Variants in TRIM39 observed in about 807,000 individuals in gnomAD.
The protein encoded by TRIM39 is E3 ubiquitin-protein ligase TRIM39.
TRIM39 carries 5 observed loss-of-function variants against 53.6 expected under a neutral mutation model. The observed-to-expected ratio is 0.09, with a 90% CI of 0.05 to 0.20. TRIM39 has a LOEUF of 0.20. Among genes scored for constraint, TRIM39 ranks in the 10% least tolerant of loss-of-function variants. The pLI, the probability that TRIM39 is intolerant of heterozygous loss-of-function variation, is 1.00. For synonymous variants in TRIM39, 196 were observed against 237.6 expected (o/e 0.82, Z 1.61); for missense variants, 310 against 621.0 (o/e 0.50, Z 5.32).
chr6:30,329,354 G>T, exon 3 of TRIM39: 1 of 1,612,184 alleles, frequency 6.2e-7, no homozygotes, highest in Non-Finnish European at 8.5e-7. Flanking sequence ...TGGGGCCTCT[G>T]CAGCCTCTAC....
chr6:30,342,290 G>A lies in TRIM39; in HGVS notation c.*31G>A, dbSNP rs375720811. 2 of 1,605,160 alleles carry A rather than the reference G, an allele frequency of 1.2e-6. No homozygotes were observed. Among genetic ancestry groups the A allele is most frequent in the African/African-American group, 2.7e-5 (2 of 74,874 alleles). ...TGGGATGTGGGAATGACTGGGGTGA[G>A]GCAGGGTCAAGTGCTACGGGCCTCC... On this transcript the variant is annotated 3_prime_UTR_variant, in exon 8 of 8. Coordinates refer to ENST00000396551, the Ensembl canonical transcript of TRIM39. This position sits in a 1 kb window ranked among gnomAD's most constrained non-coding sequence, Gnocchi z 4.7.
intron 4 of TRIM39, among the ~76,000 whole-genome samples, chr6:30,332,015 A>T (rs1786244982): frequency 6.6e-6 from 1 of 152,208 alleles, no homozygotes; most frequent in Non-Finnish European, 1.5e-5. Flanking sequence ...AAGCTACGAG[A>T]AAGAGACAGA....
chr6:30,327,039 T>C (rs1785413922), intron 1 of TRIM39, 44 bp downstream of exon 1: 1 of 151,838 alleles, frequency 6.6e-6, no homozygotes. Flanking sequence ...GGGCCTGCGC[T>C]CGCCGGCCGG....
At chr6:30,331,009 C>G in intron 4 of TRIM39, 133 bp downstream of exon 4, 1 of 1,080,354 alleles carries the variant, frequency 9.3e-7, no homozygotes, top group South Asian at 1.6e-5. Flanking sequence ...GTGGCTCACA[C>G]CTGTAATCCC....
At chr6:30,337,266 ATGG>A (rs1451625522) in intron 5 of TRIM39, among the ~76,000 whole-genome samples, 2 of 152,156 alleles carry the variant, frequency 1.3e-5, no homozygotes, top group African/African-American at 2.4e-5. Context: ...TTAGCTGGGC[ATGG>A]TGGTGGGCGC....
chr6:30,328,691 T>A (rs1282908450), intron 1 of TRIM39, among the ~76,000 whole-genome samples, 198 bp from the exon 2 acceptor site: 3 of 152,190 alleles, frequency 2.0e-5, no homozygotes, highest in Non-Finnish European at 4.4e-5. Context: ...GTATTTTATG[T>A]CTGGCCCAAG....
chr6:30,334,680 G>A (rs571132394), intron 4 of TRIM39, among the ~76,000 whole-genome samples: 4 of 152,278 alleles, frequency 2.6e-5, no homozygotes, highest in Non-Finnish European at 5.9e-5. Flanking sequence ...AATATGCAAA[G>A]GATGACAATC....
intron 4 of TRIM39, among the ~76,000 whole-genome samples, chr6:30,333,295 C>G (rs1786422303): frequency 6.8e-6 from 1 of 147,372 alleles, no homozygotes; most frequent in Middle Eastern, 3.6e-3. Context: ...AAGAATTACT[C>G]TGTGTTTATA....
At position 30,336,961 on chromosome 6, in the gene TRIM39, G is replaced by A. The variant is rs139062202; in HGVS notation, c.780+986G>A. Reference sequence around the variant, plus strand: ...ATTACTTCTTGATCCATGGGCTGCCGATTGGATGTTGTGTTAGCGGACGTG... The same window carrying A: ...ATTACTTCTTGATCCATGGGCTGCCAATTGGATGTTGTGTTAGCGGACGTG... On this transcript the variant is annotated intron_variant, in intron 5 of 7. Transcript: ENST00000396551. 5.8e-3 allele frequency among the ~76,000 whole-genome samples: 879 copies of A among 152,348 alleles called. 2 individuals carry two copies. The highest frequency in any genetic ancestry group is 0.031 in the Middle Eastern group (9 of 294).
intron 4 of TRIM39, among the ~76,000 whole-genome samples, chr6:30,333,636 C>T (rs1268336037): frequency 2.6e-5 from 4 of 151,896 alleles, no homozygotes; most frequent in African/African-American, 7.3e-5. Flanking sequence ...GCTGGGATTA[C>T]AGGCGTGAGC....
At chr6:30,331,457 G>A (rs912521359) in intron 4 of TRIM39, among the ~76,000 whole-genome samples, 1 of 152,138 alleles carries the variant, frequency 6.6e-6, no homozygotes, top group Non-Finnish European at 1.5e-5. Context: ...GAGAGAGTTC[G>A]TGCCTCTTGG....
At chr6:30,340,369 T>C in intron 6 of TRIM39, 136 bp from the exon 7 acceptor site, 3 of 1,612,660 alleles carry the variant, frequency 1.9e-6, no homozygotes, top group South Asian at 1.1e-5. Flanking sequence ...CAGGTGAGCT[T>C]TTCAGGGAGG....
In TRIM39 at chr6:30,335,622, C is replaced by A; in HGVS notation, c.550-123C>A. The A allele has an allele frequency of 7.5e-7, 1 of 1,327,294 alleles. No homozygotes were observed. The highest frequency in any genetic ancestry group is 1.0e-6 in the Non-Finnish European group (1 of 988,496). The allele number at this position is 1,327,294 out of a possible 1,614,324, so 82.2% of individuals were successfully genotyped here. On this transcript the variant is annotated intron_variant, in intron 4 of 7. Transcript: ENST00000396551. The surrounding 1 kb of genome is among the most constrained non-coding windows in gnomAD (Gnocchi z 4.7). ...ACAGTCATGTGTCACCACACCCAGC[C>A]TTTGTTAAACCATTTTCAATGAAAC...
chr6:30,342,050 C>T lies in TRIM39; in HGVS notation c.1258C>T (p.His420Tyr), dbSNP rs1473899376. 6.2e-7 allele frequency: 1 copy of T among 1,612,944 alleles called. No homozygotes were observed. The highest frequency in any genetic ancestry group is 8.5e-7 in the Non-Finnish European group (1 of 1,180,040). Reference sequence around the variant, plus strand: ...CACCACCACACCTTTTACCCCTTTGCACATCAAGGTGAAACCCAAGCGGGT... The same window carrying T: ...CACCACCACACCTTTTACCCCTTTGTACATCAAGGTGAAACCCAAGCGGGT... Residue 420 changes from histidine to tyrosine, a missense_variant, in exon 8 of 8, where the codon CAC (histidine) becomes TAC (tyrosine). Around this residue, in one of 5 missense-constraint regions of TRIM39, gnomAD observed 75 missense variants for 244.8 expected, o/e 0.31. Transcript: ENST00000396551. The surrounding 1 kb of genome is among the most constrained non-coding windows in gnomAD (Gnocchi z 4.7).
At chr6:30,341,255 A>C (rs1787501835) in intron 7 of TRIM39, 1 of 371,538 alleles carries the variant, frequency 2.7e-6, no homozygotes. Context: ...CATTATATTA[A>C]TGTGAATATG....
chr6:30,340,675 T>C, intron 7 of TRIM39, 55 bp downstream of exon 7: 1 of 1,563,750 alleles, frequency 6.4e-7, no homozygotes, highest in South Asian at 1.2e-5. Context: ...AGAAAGTTTT[T>C]AGGTCCTACC....
In TRIM39 at chr6:30,331,086, A is replaced by G. The variant is rs976501148; in HGVS notation, c.549+210A>G. Among the ~76,000 whole-genome samples the G allele has an allele frequency of 3.9e-5, 6 of 152,178 alleles. No individual in the cohort carries two copies. The East Asian group carries it at 1.2e-3, about 29-fold the overall frequency. On this transcript the variant is annotated intron_variant, in intron 4 of 7. Coordinates refer to ENST00000396551, the Ensembl canonical transcript of TRIM39. Reference sequence around the variant, plus strand: ...GGAGTTTGAGACCACCCTGGGCAACATGGTGAAACCCTGTCTTTACTAAAA... The same window carrying G: ...GGAGTTTGAGACCACCCTGGGCAACGTGGTGAAACCCTGTCTTTACTAAAA...
intron 4 of TRIM39, among the ~76,000 whole-genome samples, chr6:30,334,123 A>C (rs1231957540): frequency 1.3e-5 from 2 of 152,226 alleles, no homozygotes; most frequent in East Asian, 1.9e-4. Flanking sequence ...TAGAAGAGCT[A>C]GTCAGCCTCT....
chr6:30,340,734 A>T, intron 7 of TRIM39, 114 bp downstream of exon 7: 1 of 1,084,380 alleles, frequency 9.2e-7, no homozygotes, highest in South Asian at 1.6e-5. Context: ...ACTCCCACAC[A>T]CACCTACCCC....
Sources: gnomAD v4.1 joint callset for allele counts (sites outside exome capture counted in the v4.1 genomes callset) on GRCh38, gnomAD v4.1.1 for gene constraint, gnomAD v4.1.1 regional missense constraint, Gnocchi (gnomAD v3.1) non-coding constraint, MANE v1.5 for transcripts, NCBI Gene and HGNC (gene_info 2026-07-23, HGNC 2026-07-21) for gene names.